The following PDGFC variants were observed in gnomAD, a reference collection of about 807,000 sequenced individuals.
PDGFC encodes platelet derived growth factor C.
Under a neutral mutation model 35.5 loss-of-function variants are expected in PDGFC, and 12 were observed. The observed-to-expected ratio is 0.34, with a 90% CI of 0.22 to 0.55. The LOEUF (loss-of-function observed/expected upper bound fraction) is 0.55, where lower values mean the gene tolerates loss of function less well. Ranked by LOEUF, PDGFC falls within the 20% of genes least tolerant of loss-of-function variation. The probability of loss-of-function intolerance (pLI) is 0.91; values close to 1 mark genes in which losing one functional copy is unlikely to be tolerated. For synonymous variants in PDGFC, 159 were observed against 148.8 expected (o/e 1.07, Z -0.50); for missense variants, 322 against 412.4 (o/e 0.78, Z 1.90).
chr4:156,912,401 C>T (rs1479647366), intron 1 of PDGFC, among the ~76,000 whole-genome samples: 1 of 152,110 alleles, frequency 6.6e-6, no homozygotes, highest in Non-Finnish European at 1.5e-5. Context: ...CTTATTAATT[C>T]TTAACCTTTC....
At chr4:156,845,359 A>C (rs1283541488) in intron 2 of PDGFC, among the ~76,000 whole-genome samples, 2 of 151,694 alleles carry the variant, frequency 1.3e-5, no homozygotes, top group African/African-American at 4.8e-5. Flanking sequence ...AAAGGACATA[A>C]TGAATGTAAG....
At chr4:156,955,582 G>A (rs538628906) in intron 1 of PDGFC, among the ~76,000 whole-genome samples, 1 of 152,050 alleles carries the variant, frequency 6.6e-6, no homozygotes, top group East Asian at 1.9e-4. Flanking sequence ...TACGAAAAAT[G>A]TAAAATGCAT....
chr4:156,887,940 C>G (rs1199552021), intron 1 of PDGFC, among the ~76,000 whole-genome samples: 1 of 150,012 alleles, frequency 6.7e-6, no homozygotes, highest in Non-Finnish European at 1.5e-5. Context: ...GAGGTTGAGG[C>G]TGCAGTGAGC....
At chr4:156,955,937 T>C (rs988668856) in intron 1 of PDGFC, among the ~76,000 whole-genome samples, 1 of 152,046 alleles carries the variant, frequency 6.6e-6, no homozygotes, top group Non-Finnish European at 1.5e-5. Flanking sequence ...GTGAATTATT[T>C]GTCCTTCAAG....
At chr4:156,819,206 T>A (rs1271819690) in intron 2 of PDGFC, among the ~76,000 whole-genome samples, 1 of 152,074 alleles carries the variant, frequency 6.6e-6, no homozygotes, top group African/African-American at 2.4e-5. Context: ...CAGCAGGTTA[T>A]CCAGAAGATC....
intron 1 of PDGFC, among the ~76,000 whole-genome samples, chr4:156,923,687 T>C (rs778235676): frequency 2.6e-4 from 40 of 152,000 alleles, no homozygotes; most frequent in Non-Finnish European, 1.5e-5. Flanking sequence ...AAATAACCTA[T>C]AAAATTCCCA....
intron 5 of PDGFC, among the ~76,000 whole-genome samples, 165 bp from the exon 6 acceptor site, chr4:156,763,371 A>C (rs1038612338): frequency 6.6e-6 from 1 of 151,908 alleles, no homozygotes; most frequent in African/African-American, 2.4e-5. Flanking sequence ...ACCAAAAAAA[A>C]AAAAAAAAAA....
intron 1 of PDGFC, among the ~76,000 whole-genome samples, chr4:156,954,379 A>G (rs1447693459): frequency 6.6e-6 from 1 of 151,986 alleles, no homozygotes; most frequent in African/African-American, 2.4e-5. Context: ...CTTCTCTGGG[A>G]TAAATCACAG....
At chr4:156,848,109 CAA>C (rs2111075672) in intron 2 of PDGFC, among the ~76,000 whole-genome samples, 2 of 151,394 alleles carry the variant, frequency 1.3e-5, no homozygotes, top group South Asian at 4.2e-4. Flanking sequence ...ACAAAAGGAG[CAA>C]AAGACATAAG....
intron 1 of PDGFC, among the ~76,000 whole-genome samples, chr4:156,945,949 T>C (rs1731937026): frequency 6.6e-6 from 1 of 152,076 alleles, no homozygotes; most frequent in Non-Finnish European, 1.5e-5. Context: ...AACTAAGAAA[T>C]TAGAATTCAT....
intron 1 of PDGFC, among the ~76,000 whole-genome samples, chr4:156,945,157 A>T (rs1731907871): frequency 6.6e-6 from 1 of 151,572 alleles, no homozygotes; most frequent in African/African-American, 2.4e-5. Flanking sequence ...CCCTCAATAG[A>T]AATGTAAACT....
At chr4:156,856,827 T>C (rs1729595457) in intron 1 of PDGFC, among the ~76,000 whole-genome samples, 1 of 152,182 alleles carries the variant, frequency 6.6e-6, no homozygotes, top group Admixed American at 6.6e-5. Context: ...TTACATTTGA[T>C]GTCTTACTCA....
intron 1 of PDGFC, among the ~76,000 whole-genome samples, chr4:156,916,260 C>T (rs1362043396): frequency 6.6e-6 from 1 of 152,080 alleles, no homozygotes; most frequent in Non-Finnish European, 1.5e-5. Flanking sequence ...GGCCTCTCAC[C>T]CTGTATGCAA....
intron 1 of PDGFC, among the ~76,000 whole-genome samples, chr4:156,887,868 T>A (rs188158857): frequency 2.0e-5 from 3 of 151,672 alleles, no homozygotes; most frequent in Non-Finnish European, 4.4e-5. Flanking sequence ...CCAGGAGTGG[T>A]GGCATGTGCC....
chr4:156,905,792 T>C (rs1730901373), intron 1 of PDGFC, among the ~76,000 whole-genome samples: 1 of 152,126 alleles, frequency 6.6e-6, no homozygotes, highest in Non-Finnish European at 1.5e-5. Flanking sequence ...AGAAAGATTA[T>C]GCTGTGTTAC....
At chr4:156,804,882 A>C (rs1360790685) in intron 3 of PDGFC, among the ~76,000 whole-genome samples, 1 of 150,986 alleles carries the variant, frequency 6.6e-6, no homozygotes, top group Non-Finnish European at 1.5e-5. Flanking sequence ...GAATCAATCA[A>C]ACCTCAAGGT....
Position 156,813,789 on chromosome 4 carries a change from C to T in PDGFC, c.315-2772G>A, listed in dbSNP as rs188584433. 3.0e-3 allele frequency among the ~76,000 whole-genome samples: 460 copies of T among 152,086 alleles called. 10 individuals carry two copies. Among genetic ancestry groups the T allele is most frequent in the Admixed American group, 0.027 (405 of 15,264 alleles). On this transcript the variant is annotated intron_variant, in intron 2 of 5. Coordinates refer to ENST00000502773, the MANE Select transcript of PDGFC (RefSeq NM_016205.3). ...GATGTCTCTTTAAAAAATTTGTCAA[C>T]GTTTTAAAAAATGGAATTTCATAGA...
At chr4:156,892,848 C>T (rs893379399) in intron 1 of PDGFC, among the ~76,000 whole-genome samples, 2 of 152,148 alleles carry the variant, frequency 1.3e-5, no homozygotes, top group African/African-American at 2.4e-5. Context: ...ATACTTCTTA[C>T]GTCAAACGTC....
intron 2 of PDGFC, chr4:156,835,787 A>G (rs915433420): frequency 5.9e-5 from 9 of 152,206 alleles, no homozygotes; most frequent in Non-Finnish European, 1.0e-4. Flanking sequence ...TCCCTCATGT[A>G]AATATGCTGC....
Sources: allele counts gnomAD v4.1 joint callset (sites outside exome capture counted in the v4.1 genomes callset), GRCh38; gene constraint gnomAD v4.1.1; transcripts MANE v1.5; gene names NCBI Gene and HGNC (gene_info 2026-07-23, HGNC 2026-07-21).